The following SLC9A2 variants were observed in gnomAD, a reference collection of about 807,000 sequenced individuals.
SLC9A2 encodes solute carrier family 9 member A2.
In SLC9A2, 42 loss-of-function variants were observed where a neutral mutation model predicts 71.7. The ratio of observed to expected loss-of-function variants is 0.59; its 90% CI spans 0.46 to 0.76. SLC9A2 has a LOEUF of 0.76. SLC9A2 is among the 30% of genes least tolerant of loss of function. The pLI is 0.00. For synonymous variants in SLC9A2, 396 were observed against 392.5 expected (o/e 1.01, Z -0.10); for missense variants, 829 against 1,017.4 (o/e 0.81, Z 2.52).
intron 1 of SLC9A2, among the ~76,000 whole-genome samples, chr2:102,631,990 G>C (rs1474001984): frequency 3.2e-4 from 37 of 115,852 alleles, no homozygotes; most frequent in Non-Finnish European, 4.7e-4. Flanking sequence ...ATTAATGAAA[G>C]TGGGGATATA....
chr2:102,679,333 A>G (rs1341125663), intron 3 of SLC9A2, among the ~76,000 whole-genome samples: 1 of 151,956 alleles, frequency 6.6e-6, no homozygotes, highest in Admixed American at 6.6e-5. Flanking sequence ...ATGGACATTC[A>G]TGTTAAATTA....
intron 1 of SLC9A2, among the ~76,000 whole-genome samples, chr2:102,640,486 G>T (rs967740865): frequency 1.3e-5 from 2 of 152,298 alleles, no homozygotes; most frequent in Admixed American, 1.3e-4. Flanking sequence ...ACCTGCTCAG[G>T]TTCGATCATT....
Position 102,619,691 on chromosome 2 carries a change from C to T in SLC9A2, c.-158C>T. The T allele has an allele frequency of 1.7e-6, 1 of 577,484 alleles. No homozygotes were observed. Among genetic ancestry groups the T allele is most frequent in the Non-Finnish European group, 2.8e-6 (1 of 361,406 alleles). The allele number at this position is 577,484 out of a possible 1,614,324, so 35.8% of individuals were successfully genotyped here. On this transcript the variant is annotated 5_prime_UTR_variant, in exon 1 of 12. Coordinates refer to ENST00000233969, the MANE Select transcript of SLC9A2 (RefSeq NM_003048.6). This position sits in a 1 kb window ranked among gnomAD's most constrained non-coding sequence, Gnocchi z 4.3. ...GCCTGCTCGCAGCGAGGACCTAGCCCTCTGGTTGCAGAGACCCGGTGCCGC... is the reference window on the plus strand; with the variant it reads ...GCCTGCTCGCAGCGAGGACCTAGCCTTCTGGTTGCAGAGACCCGGTGCCGC...
intron 1 of SLC9A2, among the ~76,000 whole-genome samples, chr2:102,651,331 C>T (rs1298290747): frequency 6.6e-6 from 1 of 152,198 alleles, no homozygotes; most frequent in Non-Finnish European, 1.5e-5. Flanking sequence ...GTCCCAGGGC[C>T]ACAGGCTCTG....
chr2:102,665,245 C>T lies in SLC9A2; in HGVS notation c.899C>T (p.Thr300Ile). Residue 300 changes from threonine (T) to isoleucine (I), a missense_variant, in exon 3 of 12, where the codon ACT (threonine) becomes ATT (isoleucine). This residue lies in a region of SLC9A2 where 500 missense variants were observed against 726.3 expected (regional missense o/e 0.69). Coordinates refer to ENST00000233969, the MANE Select transcript of SLC9A2 (RefSeq NM_003048.6). ...TTGGGCTTTATAGCGGCATTTACTA[C>T]TCGATTCACCCATAATATCCGAGTG... ...IFLGFIAAFT[T>I]RFTHNIRVIE... 6.2e-7 allele frequency: 1 copy of T among 1,614,110 alleles called. No homozygotes were observed. The highest frequency in any genetic ancestry group is 1.1e-5 in the South Asian group (1 of 91,090).
chr2:102,670,849 C>T (rs1168041845), intron 3 of SLC9A2, among the ~76,000 whole-genome samples: 115 of 75,838 alleles, frequency 1.5e-3, no homozygotes, highest in South Asian at 3.0e-3. Flanking sequence ...GGAAGGCATG[C>T]TTTTTTTTTT....
At chr2:102,705,486 C>G (rs895884382) in intron 10 of SLC9A2, among the ~76,000 whole-genome samples, 3 of 151,568 alleles carry the variant, frequency 2.0e-5, no homozygotes, top group Non-Finnish European at 4.4e-5. Flanking sequence ...AAACACCTTA[C>G]ATATATATAT....
chr2:102,645,986 C>T lies in SLC9A2; in HGVS notation c.290-11578C>T, dbSNP rs557397740. Among the ~76,000 whole-genome samples the T allele has an allele frequency of 6.8e-4, 103 of 152,180 alleles. 1 individual carries two copies. The highest frequency in any genetic ancestry group is 2.2e-3 in the African/African-American group (90 of 41,492). On this transcript the variant is annotated intron_variant, in intron 1 of 11. Coordinates refer to ENST00000233969, the MANE Select transcript of SLC9A2 (RefSeq NM_003048.6). ...AGATACTCCTCAAGAAGAGCAACCA[C>T]AAGACACATAATCATCAGATTCACC... is the stretch of plus-strand genomic sequence containing the variant.
At chr2:102,642,758 A>G (rs781621763) in intron 1 of SLC9A2, among the ~76,000 whole-genome samples, 7 of 152,220 alleles carry the variant, frequency 4.6e-5, no homozygotes, top group Non-Finnish European at 7.3e-5. Flanking sequence ...TGTAGAATTC[A>G]CTAGAGAAAC....
chr2:102,647,761 GT>G (rs1676754993), intron 1 of SLC9A2, among the ~76,000 whole-genome samples: 1 of 152,056 alleles, frequency 6.6e-6, no homozygotes, highest in Non-Finnish European at 1.5e-5. Flanking sequence ...ATAAATTCCT[GT>G]TCACATACAC....
chr2:102,657,489 T>G (rs1395508082), intron 1 of SLC9A2, 75 bp from the exon 2 acceptor site: 1 of 980,996 alleles, frequency 1.0e-6, no homozygotes, highest in Non-Finnish European at 1.5e-6. Flanking sequence ...ACTGGTTCTA[T>G]CAAAGGGAAC....
In SLC9A2 at chr2:102,619,831, C is replaced by T; in HGVS notation, c.-18C>T. The T allele has an allele frequency of 3.4e-6, 5 of 1,475,472 alleles. No individual in the cohort carries two copies. The highest frequency in any genetic ancestry group is 2.8e-5 in the South Asian group (2 of 71,354). The allele number at this position is 1,475,472 out of a possible 1,614,324, so 91.4% of individuals were successfully genotyped here. On this transcript the variant is annotated 5_prime_UTR_variant, in exon 1 of 12. Transcript: ENST00000233969. The surrounding 1 kb of genome is among the most constrained non-coding windows in gnomAD (Gnocchi z 4.3). ...GAGGGCCAACCGCCGGTCCCCTTGG[C>T]GGCAACCGGCGGCACCCATGGAACC...
chr2:102,635,428 G>A (rs1003748816), intron 1 of SLC9A2, among the ~76,000 whole-genome samples: 9 of 152,202 alleles, frequency 5.9e-5, no homozygotes, highest in Non-Finnish European at 1.2e-4. Context: ...AGCTTTAAAG[G>A]GAAATAAGAA....
intron 11 of SLC9A2, 39 bp downstream of exon 11, chr2:102,705,975 T>A: frequency 8.1e-7 from 1 of 1,240,518 alleles, no homozygotes. Context: ...TTTAAATTTA[T>A]TTGCCAATGT....
At chr2:102,679,744 T>C (rs1441707312) in intron 3 of SLC9A2, among the ~76,000 whole-genome samples, 1 of 152,226 alleles carries the variant, frequency 6.6e-6, no homozygotes, top group Non-Finnish European at 1.5e-5. Context: ...AAACTGGAGA[T>C]TACTTTTTGC....
chr2:102,710,225 T>C lies in SLC9A2; in HGVS notation c.*1736T>C, dbSNP rs916256728. On this transcript the variant is annotated 3_prime_UTR_variant, in exon 12 of 12. Coordinates refer to ENST00000233969, the MANE Select transcript of SLC9A2 (RefSeq NM_003048.6). The stretch of plus-strand genomic sequence containing the variant: ...CAAAAATCTCTATTTTAAATGAAAA[T>C]ATTTATATAAAAATACATTTATTCT... 6.6e-6 allele frequency: 1 copy of C among 152,610 alleles called. No individual in the cohort carries two copies. The highest frequency in any genetic ancestry group is 1.5e-5 in the Non-Finnish European group (1 of 68,040). 9.5% of individuals were successfully genotyped at this position (152,610 alleles called of 1,614,324 possible).
intron 10 of SLC9A2, 56 bp downstream of exon 10, chr2:102,704,731 A>C (rs1677941274): frequency 1.3e-6 from 2 of 1,566,084 alleles, no homozygotes; most frequent in Admixed American, 1.7e-5. Flanking sequence ...CAGCTATTCC[A>C]TTGATCAGCT....
intron 3 of SLC9A2, among the ~76,000 whole-genome samples, chr2:102,682,236 C>A (rs1024403612): frequency 2.0e-5 from 3 of 152,218 alleles, no homozygotes; most frequent in Admixed American, 6.5e-5. Context: ...ACCGGACCTA[C>A]CATGAGCTGT....
intron 1 of SLC9A2, among the ~76,000 whole-genome samples, chr2:102,636,872 C>A (rs2104505020): frequency 6.6e-6 from 1 of 152,224 alleles, no homozygotes; most frequent in Middle Eastern, 3.4e-3. Flanking sequence ...ACTTGTCAAC[C>A]CCTTGGACTC....
Sources: allele counts gnomAD v4.1 joint callset (sites outside exome capture counted in the v4.1 genomes callset), GRCh38; gene constraint gnomAD v4.1.1; regional missense constraint gnomAD v4.1.1; non-coding constraint Gnocchi (gnomAD v3.1); transcripts MANE v1.5; gene names NCBI Gene and HGNC (gene_info 2026-07-23, HGNC 2026-07-21).